The following OR1D2 variants were observed in gnomAD, a reference collection of about 807,000 sequenced individuals.
OR1D2 encodes the protein olfactory receptor 1D2.
For missense variants in OR1D2, 357 were observed against 376.1 expected, an observed-to-expected ratio of 0.95 and a Z score of 0.42; for synonymous variants, 157 against 153.9, an observed-to-expected ratio of 1.02 and a Z score of -0.15.
In OR1D2 at chr17:3,092,839, G is replaced by A. The variant is rs532598547; in HGVS notation, c.158C>T (p.Ser53Phe). 3 of 1,613,950 alleles carry A rather than the reference G, an allele frequency of 1.9e-6. No homozygotes were observed. Among genetic ancestry groups the A allele is most frequent in the South Asian group, 1.1e-5 (1 of 91,074 alleles). The change falls in exon 2 of 2, where the codon TCC (serine) becomes TTC (phenylalanine). Residue 53 changes from serine to phenylalanine, a missense_variant. By Grantham distance (155) the Ser-to-Phe change is radical. Transcript: ENST00000641833. ...GAAGTACACGGGGGTGTGCAGGCGG[G>A]AATCAGAGCTGATGGCCAGGATGAT... ...VLIILAISSD[S>F]RLHTPVYFFL...
At chr17:3,094,021 T>A (rs144220386) in intron 1 of OR1D2, among the ~76,000 whole-genome samples, 2 of 152,330 alleles carry the variant, frequency 1.3e-5, no homozygotes, top group Non-Finnish European at 2.9e-5. Context: ...AGGGTGATGC[T>A]TGCACATCAA....
At chr17:3,099,814 A>C (rs1319040586) in intron 1 of OR1D2, among the ~76,000 whole-genome samples, 2 of 152,174 alleles carry the variant, frequency 1.3e-5, no homozygotes, top group Non-Finnish European at 2.9e-5. Context: ...GCTCAAAATA[A>C]AGGGATAGAG....
intron 1 of OR1D2, among the ~76,000 whole-genome samples, chr17:3,102,556 A>T (rs2047879769): frequency 6.6e-6 from 1 of 152,184 alleles, no homozygotes; most frequent in African/African-American, 2.4e-5. Context: ...CCTGCTTTAT[A>T]GATGAGGTGA....
chr17:3,097,098 T>C (rs2047849501), intron 1 of OR1D2, among the ~76,000 whole-genome samples: 1 of 152,226 alleles, frequency 6.6e-6, no homozygotes, highest in South Asian at 2.1e-4. Context: ...TTACTTCATT[T>C]CCATATTGTG....
At chr17:3,094,984 AAATG>A (rs1255935456) in intron 1 of OR1D2, among the ~76,000 whole-genome samples, 8 of 152,062 alleles carry the variant, frequency 5.3e-5, no homozygotes, top group African/African-American at 1.9e-4. Flanking sequence ...GGAAGAGAAA[AAATG>A]AAGAAAAATG....
At chr17:3,100,464 A>C (rs1279330738) in intron 1 of OR1D2, among the ~76,000 whole-genome samples, 8 of 152,278 alleles carry the variant, frequency 5.3e-5, no homozygotes, top group Non-Finnish European at 1.0e-4. Flanking sequence ...ATCAAGAAGT[A>C]GTTTGAAACC....
chr17:3,096,986 T>A (rs1243339512), intron 1 of OR1D2, among the ~76,000 whole-genome samples: 2 of 152,180 alleles, frequency 1.3e-5, no homozygotes, highest in East Asian at 1.9e-4. Context: ...CAAATGACAT[T>A]AAAAGGCTAG....
rs372738601 is a variant in OR1D2 at position 3,092,745 on chromosome 17, G to T, written c.252C>A (p.Asn84Lys). The change falls in exon 2 of 2, where the codon AAC (asparagine) becomes AAA (lysine). Residue 84 changes from asparagine to lysine, a missense_variant. Transcript: ENST00000641833. Reference protein sequence around the residue: ...VTNTIPKMLVNLQSHNKAISY... With the variant: ...VTNTIPKMLVKLQSHNKAISY... ...AGATGGCTTTGTTATGGGACTGGAG[G>T]TTCACCAGCATCTTGGGGATTGTGT... 6.2e-7 allele frequency: 1 copy of T among 1,614,128 alleles called. No homozygotes were observed. Among genetic ancestry groups the T allele is most frequent in the East Asian group, 2.2e-5 (1 of 44,884 alleles).
At chr17:3,102,697 C>G (rs183180749) in intron 1 of OR1D2, among the ~76,000 whole-genome samples, 37 of 152,178 alleles carry the variant, frequency 2.4e-4, no homozygotes, top group African/African-American at 7.9e-4. Context: ...AGCAATAATG[C>G]CCACCTCCCC....
In OR1D2 at chr17:3,092,628, A is replaced by G. The variant is rs1044663766; in HGVS notation, c.369T>C (p.Tyr123=). The change falls in exon 2 of 2, where the codon TAT becomes TAC. Residue 123 remains tyrosine (Y), a synonymous_variant. Coordinates refer to ENST00000641833, the MANE Select transcript of OR1D2 (RefSeq NM_002548.3). ...LILAVMAYDR[Y]VAICCPLHYT... is the part of the protein sequence containing the mutation. ...AGTGGAGGGGGCAGCAGATGGCCAC[A>G]TAGCGGTCATATGCCATCACAGCCA... 1 of 1,614,112 alleles carries G rather than the reference A, an allele frequency of 6.2e-7. No individual in the cohort carries two copies. The highest frequency in any genetic ancestry group is 8.5e-7 in the Non-Finnish European group (1 of 1,180,018).
rs137876385 is a variant in OR1D2 at position 3,092,733 on chromosome 17, A to C, written c.264T>G (p.His88Gln). ...ACCCTGCATAGGAGATGGCTTTGTT[A>C]TGGGACTGGAGGTTCACCAGCATCT... ...IPKMLVNLQS[H>Q]NKAISYAGCL... The change falls in exon 2 of 2, where the codon CAT becomes CAG. Residue 88 changes from histidine to glutamine, a missense_variant. By Grantham distance (24) the His-to-Gln change is conservative (BLOSUM62 0). Transcript: ENST00000641833. The C allele has an allele frequency of 1.1e-4, 174 of 1,613,928 alleles. No individual in the cohort carries two copies. Among genetic ancestry groups the C allele is most frequent in the Non-Finnish European group, 1.4e-4 (161 of 1,180,030 alleles).
At position 3,089,055 on chromosome 17, in the gene OR1D2, T is replaced by C. The variant is rs1321394769; in HGVS notation, c.*3003A>G. The C allele has an allele frequency of 2.0e-5, 3 of 152,236 alleles. No individual in the cohort carries two copies. The highest frequency in any genetic ancestry group is 4.4e-5 in the Non-Finnish European group (3 of 68,050). The allele number at this position is 152,236 out of a possible 1,614,324, so 9.4% of individuals were successfully genotyped here. A position where few individuals can be genotyped will look rare whatever the true frequency, so the allele number is the denominator to read the frequency against. ...GATCTTTCAAGGGTGTTAAAGAACC[T>C]TGTTTTGTCATATTACCAGATTTGT... On this transcript the variant is annotated 3_prime_UTR_variant, in exon 2 of 2. Transcript: ENST00000641833.
At chr17:3,102,264 G>A (rs1191754800) in intron 1 of OR1D2, among the ~76,000 whole-genome samples, 2 of 152,132 alleles carry the variant, frequency 1.3e-5, no homozygotes, top group African/African-American at 2.4e-5. Flanking sequence ...TTGGGGTGGG[G>A]TGAGGGTATA....
chr17:3,100,676 C>T (rs1162845143), intron 1 of OR1D2, among the ~76,000 whole-genome samples: 2 of 151,894 alleles, frequency 1.3e-5, no homozygotes, highest in Non-Finnish European at 2.9e-5. Flanking sequence ...AAGATCAGAG[C>T]AGAACTGAAG....
At position 3,098,427 on chromosome 17, in the gene OR1D2, G is replaced by C. The variant is rs955230884; in HGVS notation, c.-50-5381C>G. On this transcript the variant is annotated intron_variant, in intron 1 of 1. Coordinates refer to ENST00000641833, the MANE Select transcript of OR1D2 (RefSeq NM_002548.3). ...GCCCCCAGGCCTACTAAAGAAGAGGGACCTGAGCATTGAAAGAAAAACAAA... is the reference window on the plus strand; with the variant it reads ...GCCCCCAGGCCTACTAAAGAAGAGGCACCTGAGCATTGAAAGAAAAACAAA... 3.9e-5 allele frequency among the ~76,000 whole-genome samples: 6 copies of C among 152,210 alleles called. No individual in the cohort carries two copies. In the East Asian group the frequency reaches 1.2e-3, roughly 29 times the overall value.
intron 1 of OR1D2, among the ~76,000 whole-genome samples, chr17:3,097,246 C>A (rs1184961175): frequency 1.3e-5 from 2 of 152,076 alleles, no homozygotes; most frequent in African/African-American, 4.8e-5. Context: ...TTACAATGGA[C>A]TTTAAAAAAA....
intron 1 of OR1D2, among the ~76,000 whole-genome samples, chr17:3,102,430 C>G (rs947214399): frequency 1.3e-5 from 2 of 152,164 alleles, no homozygotes; most frequent in Non-Finnish European, 2.9e-5. Flanking sequence ...ATTTTTTGAA[C>G]AAACTGCGAT....
At chr17:3,096,975 C>A (rs1456708317) in intron 1 of OR1D2, among the ~76,000 whole-genome samples, 1 of 152,048 alleles carries the variant, frequency 6.6e-6, no homozygotes, top group African/African-American at 2.4e-5. Flanking sequence ...TAAAATAAAC[C>A]CAAATGACAT....
chr17:3,100,000 C>G (rs748020339), intron 1 of OR1D2, among the ~76,000 whole-genome samples: 24 of 152,118 alleles, frequency 1.6e-4, no homozygotes, highest in Admixed American at 4.6e-4. Flanking sequence ...TATATATGCA[C>G]CCAATACAGG....
Sources: allele counts gnomAD v4.1 joint callset (sites outside exome capture counted in the v4.1 genomes callset), GRCh38; gene constraint gnomAD v4.1.1; transcripts MANE v1.5; gene names NCBI Gene and HGNC (gene_info 2026-07-23, HGNC 2026-07-21).